Variants in RIMS1 observed in about 807,000 individuals in gnomAD.
The protein encoded by RIMS1 is regulating synaptic membrane exocytosis 1.
A neutral mutation model predicts 214.1 loss-of-function variants in RIMS1; 83 were observed. That is an observed-to-expected ratio of 0.39 (90% CI 0.32 to 0.47). The LOEUF is 0.47. Ranked by LOEUF, RIMS1 falls within the 20% of genes least tolerant of loss-of-function variation. The pLI is 0.99. For synonymous variants in RIMS1, 793 were observed against 786.8 expected, an observed-to-expected ratio of 1.01 and a Z score of -0.13; for missense variants, 2,050 against 2,161.8, an observed-to-expected ratio of 0.95 and a Z score of 1.03.
At chr6:72,061,858 C>T (rs1346212649) in intron 2 of RIMS1, among the ~76,000 whole-genome samples, 1 of 152,126 alleles carries the variant, frequency 6.6e-6, no homozygotes, top group African/African-American at 2.4e-5. Flanking sequence ...TAGGGGGAAT[C>T]TTTAATTGTT....
chr6:72,194,824 C>G (rs900786837), intron 6 of RIMS1, among the ~76,000 whole-genome samples: 1 of 152,092 alleles, frequency 6.6e-6, no homozygotes, highest in Non-Finnish European at 1.5e-5. Flanking sequence ...TTGAGATTAA[C>G]AACCACGTTT....
intron 6 of RIMS1, chr6:72,216,443 G>T: frequency 3.0e-6 from 3 of 985,460 alleles, no homozygotes; most frequent in Non-Finnish European, 3.6e-6. Context: ...GGCCGTACCA[G>T]AAAAGCCTGA....
chr6:72,228,406 C>G (rs753163213), intron 6 of RIMS1, among the ~76,000 whole-genome samples: 4 of 151,856 alleles, frequency 2.6e-5, no homozygotes, highest in African/African-American at 9.7e-5. Context: ...TTATACTCCT[C>G]ATTATGTTCC....
At chr6:71,963,148 A>G (rs985160183) in intron 1 of RIMS1, among the ~76,000 whole-genome samples, 2 of 152,210 alleles carry the variant, frequency 1.3e-5, no homozygotes, top group Non-Finnish European at 2.9e-5. Context: ...GTAACTTCAC[A>G]GTTGATGTTT....
At chr6:72,206,845 T>C (rs2056758) in intron 6 of RIMS1, among the ~76,000 whole-genome samples, 107,819 of 152,128 alleles carry the variant, frequency 0.71, 38,563 homozygotes, top group East Asian at 0.84. Context: ...CCTCTACCCA[T>C]CTGCACTACC....
chr6:72,100,500 A>G (rs1020228011), intron 4 of RIMS1, among the ~76,000 whole-genome samples: 1 of 152,036 alleles, frequency 6.6e-6, no homozygotes, highest in African/African-American at 2.4e-5. Context: ...TCCTATGAAT[A>G]TGAATAACTT....
intron 4 of RIMS1, among the ~76,000 whole-genome samples, chr6:72,107,604 G>C (rs2035030118): frequency 6.6e-6 from 1 of 152,054 alleles, no homozygotes; most frequent in Non-Finnish European, 1.5e-5. Context: ...ACTAAGTTAG[G>C]TGACAGTACT....
intron 1 of RIMS1, among the ~76,000 whole-genome samples, chr6:71,967,686 C>T (rs1225379562): frequency 1.3e-5 from 2 of 152,204 alleles, no homozygotes; most frequent in African/African-American, 4.8e-5. Context: ...GAAAGTTTAG[C>T]ATCAACTCTT....
chr6:72,262,903 G>A lies in RIMS1; in HGVS notation c.3117-2072G>A, dbSNP rs561365021. On this transcript the variant is annotated intron_variant, in intron 19 of 33. Transcript: ENST00000521978. Reference sequence around the variant, plus strand: ...GAAAATAACATTTATTTAATAACAAGCACAGTGTTAAATATTTAATGTACT... The same window carrying A: ...GAAAATAACATTTATTTAATAACAAACACAGTGTTAAATATTTAATGTACT... 1.6e-3 allele frequency: 794 copies of A among 497,950 alleles called. 2 individuals are homozygous for A. Among genetic ancestry groups the A allele is most frequent in the Non-Finnish European group, 1.9e-3 (746 of 385,604 alleles). 30.8% of individuals were successfully genotyped at this position (497,950 alleles called of 1,614,324 possible).
At chr6:71,931,768 A>G (rs1687054624) in intron 1 of RIMS1, among the ~76,000 whole-genome samples, 1 of 151,870 alleles carries the variant, frequency 6.6e-6, no homozygotes, top group East Asian at 1.9e-4. Context: ...CCATTTGTCA[A>G]TTTTTGCTTT....
chr6:72,216,871 A>C, intron 6 of RIMS1: 1 of 1,059,066 alleles, frequency 9.4e-7, no homozygotes, highest in Non-Finnish European at 1.1e-6. Flanking sequence ...GCTTTAGTGT[A>C]TGCTACACTG....
intron 4 of RIMS1, among the ~76,000 whole-genome samples, chr6:72,177,289 T>C (rs2047843230): frequency 6.6e-6 from 1 of 152,244 alleles, no homozygotes; most frequent in African/African-American, 2.4e-5. Context: ...TCTCGCTCTA[T>C]CGTCCAGGCT....
intron 29 of RIMS1, among the ~76,000 whole-genome samples, chr6:72,358,872 A>G (rs557165936): frequency 5.3e-5 from 8 of 152,308 alleles, no homozygotes; most frequent in Admixed American, 1.3e-4. Flanking sequence ...ACCTAAGTCC[A>G]TAGGTAGGTC....
At position 72,220,669 on chromosome 6, in the gene RIMS1, A is replaced by G. The variant is rs146772815; in HGVS notation, c.1679-13104A>G. Among the ~76,000 whole-genome samples, 493 of 152,188 alleles carry G rather than the reference A, an allele frequency of 3.2e-3. 3 individuals carry two copies. Among genetic ancestry groups the G allele is most frequent in the African/African-American group, 0.011 (472 of 41,574 alleles). Reference sequence around the variant, plus strand: ...GCCATTTTATATCATAAACAAATACACCCAAAGCTTAAATCTCCAAAAGAT... The same window carrying G: ...GCCATTTTATATCATAAACAAATACGCCCAAAGCTTAAATCTCCAAAAGAT... On this transcript the variant is annotated intron_variant, in intron 6 of 33. Transcript: ENST00000521978.
intron 6 of RIMS1, among the ~76,000 whole-genome samples, chr6:72,230,940 G>C (rs2061740376): frequency 6.6e-6 from 1 of 151,428 alleles, no homozygotes. Context: ...TAGTGAATTA[G>C]TTCCTAGGAC....
chr6:72,126,271 T>C (rs1377960772), intron 4 of RIMS1, among the ~76,000 whole-genome samples: 1 of 152,026 alleles, frequency 6.6e-6, no homozygotes, highest in Non-Finnish European at 1.5e-5. Context: ...AAAAATCAGC[T>C]CAAGATGAAT....
At chr6:72,152,877 AATATATGTAT>A (rs1050885551) in intron 4 of RIMS1, among the ~76,000 whole-genome samples, 3 of 101,434 alleles carry the variant, frequency 3.0e-5, no homozygotes, top group Admixed American at 1.2e-4. Context: ...ATATATATGG[AATATATGTAT>A]ATATATGTAT....
chr6:72,034,445 T>A (rs572031811), intron 2 of RIMS1, among the ~76,000 whole-genome samples: 153 of 152,260 alleles, frequency 1.0e-3, no homozygotes, highest in African/African-American at 3.4e-3. Context: ...TGAGTTTTTT[T>A]AATCAGTATT....
At chr6:71,976,749 A>G (rs1797238928) in intron 2 of RIMS1, among the ~76,000 whole-genome samples, 1 of 152,072 alleles carries the variant, frequency 6.6e-6, no homozygotes. Context: ...TCTTTGATTC[A>G]TTTTGAGATA....
Sources: gnomAD v4.1 joint callset for allele counts (sites outside exome capture counted in the v4.1 genomes callset) on GRCh38, gnomAD v4.1.1 for gene constraint, MANE v1.5 for transcripts, NCBI Gene and HGNC (gene_info 2026-07-23, HGNC 2026-07-21) for gene names.